CYB5B: variants seen among roughly 807,000 people sequenced by gnomAD.
The protein encoded by CYB5B is cytochrome b5 type B (outer mitochondrial membrane).
In CYB5B, 14 loss-of-function variants were observed where a neutral mutation model predicts 21.3. That is an observed-to-expected ratio of 0.66 (90% CI 0.43 to 1.03). The LOEUF (loss-of-function observed/expected upper bound fraction) is 1.03. Ranked by LOEUF, CYB5B falls within the 50% of genes least tolerant of loss-of-function variation. The pLI is 0.00. For missense variants in CYB5B, 166 were observed against 185.1 expected, an observed-to-expected ratio of 0.90 and a Z score of 0.60; for synonymous variants, 69 against 68.4, an observed-to-expected ratio of 1.01 and a Z score of -0.04.
chr16:69,456,596 A>G (rs1042067826), intron 3 of CYB5B, among the ~76,000 whole-genome samples: 17 of 152,214 alleles, frequency 1.1e-4, no homozygotes, highest in Non-Finnish European at 4.4e-5. Context: ...TAGTATTGCA[A>G]TTATTACTTT....
At chr16:69,443,034 C>T (rs997250279) in intron 1 of CYB5B, among the ~76,000 whole-genome samples, 1 of 152,040 alleles carries the variant, frequency 6.6e-6, no homozygotes, top group African/African-American at 2.4e-5. Context: ...CTGAAAACTT[C>T]GCCTCCCGGG....
intron 1 of CYB5B, among the ~76,000 whole-genome samples, chr16:69,426,827 G>A (rs1428572734): frequency 6.6e-6 from 1 of 151,706 alleles, no homozygotes; most frequent in East Asian, 1.9e-4. Flanking sequence ...AGATTTGACA[G>A]ATCCCTTGAT....
At chr16:69,426,723 T>G (rs947589904) in intron 1 of CYB5B, among the ~76,000 whole-genome samples, 50 of 121,132 alleles carry the variant, frequency 4.1e-4, no homozygotes, top group South Asian at 1.1e-3. Flanking sequence ...AAAAAGCTAG[T>G]GGAGGGTGAC....
intron 2 of CYB5B, among the ~76,000 whole-genome samples, chr16:69,447,660 T>G (rs1303807460): frequency 9.2e-6 from 1 of 108,118 alleles, no homozygotes; most frequent in Admixed American, 9.3e-5. Context: ...AAAAAAAAAT[T>G]ATTAAAATGG....
intron 3 of CYB5B, among the ~76,000 whole-genome samples, chr16:69,452,042 T>G (rs2014938679): frequency 6.6e-6 from 1 of 152,030 alleles, no homozygotes; most frequent in Non-Finnish European, 1.5e-5. Flanking sequence ...TGTTGTTGTT[T>G]ACTCTTCCAA....
At position 69,451,942 on chromosome 16, in the gene CYB5B, C is replaced by CAAAA. The variant is rs1214465929; in HGVS notation, c.333+3816_333+3819dup. Among the ~76,000 whole-genome samples, 20 of 64,700 alleles carry CAAAA rather than the reference C, an allele frequency of 3.1e-4. 1 individual carries two copies. The highest frequency in any genetic ancestry group is 1.2e-4 in the Non-Finnish European group (4 of 32,906). 42.4% of individuals were successfully genotyped at this position (64,700 alleles called of 152,430 possible). ...TGGGCGACAAAGCGAGACGCCGTCT[C>CAAAA]AAAAAAAAAAAAAAAAAAAAATTCC... On this transcript the variant is annotated intron_variant, in intron 3 of 4. Coordinates refer to ENST00000307892, the MANE Select transcript of CYB5B (RefSeq NM_030579.3).
intron 3 of CYB5B, among the ~76,000 whole-genome samples, chr16:69,457,742 G>A (rs191719118): frequency 2.6e-5 from 4 of 152,144 alleles, no homozygotes; most frequent in African/African-American, 9.6e-5. Context: ...TGTTAATATG[G>A]TTTCTTTAAA....
chr16:69,456,839 A>G (rs2014988350), intron 3 of CYB5B, among the ~76,000 whole-genome samples: 1 of 152,202 alleles, frequency 6.6e-6, no homozygotes, highest in Non-Finnish European at 1.5e-5. Context: ...TTTTCATTTC[A>G]GTTTAAAAAC....
At chr16:69,455,879 C>T (rs909270798) in intron 3 of CYB5B, among the ~76,000 whole-genome samples, 1 of 151,998 alleles carries the variant, frequency 6.6e-6, no homozygotes, top group South Asian at 2.1e-4. Flanking sequence ...TTCTCTCTAC[C>T]CTTTAGAAGC....
chr16:69,444,992 G>T (rs1261365476), intron 1 of CYB5B, among the ~76,000 whole-genome samples: 1 of 152,186 alleles, frequency 6.6e-6, no homozygotes, highest in Non-Finnish European at 1.5e-5. Context: ...AGAGACTGAT[G>T]AAAGTGAAAG....
intron 1 of CYB5B, among the ~76,000 whole-genome samples, chr16:69,445,064 C>G (rs188151067): frequency 6.6e-6 from 1 of 152,188 alleles, no homozygotes; most frequent in East Asian, 1.9e-4. Flanking sequence ...ATGTTGTAAT[C>G]TATGAAGGAG....
intron 1 of CYB5B, among the ~76,000 whole-genome samples, chr16:69,438,675 A>G (rs979162167): frequency 2.0e-5 from 3 of 151,800 alleles, no homozygotes; most frequent in Non-Finnish European, 4.4e-5. Context: ...CTGATATTGC[A>G]CATCTTTTCA....
chr16:69,441,446 G>A lies in CYB5B; in HGVS notation c.175-5704G>A, dbSNP rs192588913. 2.7e-4 allele frequency among the ~76,000 whole-genome samples: 41 copies of A among 152,322 alleles called. 1 individual carries two copies. In the East Asian group the frequency reaches 6.6e-3, roughly 24 times the overall value. ...TGGGATTATAGGCGTGAGCCACCAC[G>A]ACTGTCCTTACTTCTCTTTGATTTA... On this transcript the variant is annotated intron_variant, in intron 1 of 4. Transcript: ENST00000307892.
intron 1 of CYB5B, among the ~76,000 whole-genome samples, chr16:69,434,997 T>C (rs543923636): frequency 1.4e-4 from 21 of 152,346 alleles, no homozygotes; most frequent in Admixed American, 1.4e-3. Flanking sequence ...TGCCTTTTTA[T>C]GAAGTATCTG....
At chr16:69,447,853 C>T (rs971442189) in intron 2 of CYB5B, among the ~76,000 whole-genome samples, 3 of 152,046 alleles carry the variant, frequency 2.0e-5, no homozygotes, top group Non-Finnish European at 2.9e-5. Context: ...AACACCTTTA[C>T]CTAAAATAGT....
chr16:69,441,257 G>C (rs144883630), intron 1 of CYB5B, among the ~76,000 whole-genome samples: 1 of 151,052 alleles, frequency 6.6e-6, no homozygotes, highest in East Asian at 2.0e-4. Flanking sequence ...GCGTTCAAGT[G>C]ATTTTCCTGC....
chr16:69,451,020 T>C lies in CYB5B; in HGVS notation c.333+2876T>C, dbSNP rs915287694. On this transcript the variant is annotated intron_variant, in intron 3 of 4. Coordinates refer to ENST00000307892, the MANE Select transcript of CYB5B (RefSeq NM_030579.3). ...ATAATTAATGGTCACCATTGTTTTA[T>C]TGTTAGATGGATAGTACCTGAGTTG... 3.9e-5 allele frequency among the ~76,000 whole-genome samples: 6 copies of C among 152,332 alleles called. No individual in the cohort carries two copies. In the South Asian group the frequency reaches 6.2e-4, roughly 16 times the overall value.
intron 3 of CYB5B, among the ~76,000 whole-genome samples, chr16:69,451,642 T>C (rs2014931612): frequency 6.6e-6 from 1 of 151,910 alleles, no homozygotes; most frequent in Admixed American, 6.6e-5. Context: ...ATTTAAATAG[T>C]TCAAAACAGT....
intron 3 of CYB5B, among the ~76,000 whole-genome samples, chr16:69,457,652 A>AAT (rs2014995560): frequency 1.3e-5 from 2 of 152,220 alleles, no homozygotes; most frequent in South Asian, 4.1e-4. Flanking sequence ...AACTCATTTT[A>AAT]ATTAATCGGA....
Sources: allele counts gnomAD v4.1 joint callset (sites outside exome capture counted in the v4.1 genomes callset), GRCh38; gene constraint gnomAD v4.1.1; transcripts MANE v1.5; gene names NCBI Gene and HGNC (gene_info 2026-07-23, HGNC 2026-07-21).